Variants in EPHX2 observed in about 807,000 individuals in gnomAD.
EPHX2 encodes epoxide hydrolase 2.
Under a neutral mutation model 78.7 loss-of-function variants are expected in EPHX2, and 74 were observed. The observed-to-expected ratio is 0.94, with a 90% CI of 0.78 to 1.14. The LOEUF is 1.14. Ranked by LOEUF, EPHX2 falls within the 50% of genes most tolerant of loss-of-function variation. The probability of loss-of-function intolerance (pLI) is 0.00; values close to 1 mark genes in which losing one functional copy is unlikely to be tolerated. For synonymous variants in EPHX2, 251 were observed against 255.2 expected (o/e 0.98, Z 0.16); for missense variants, 715 against 702.5 (o/e 1.02, Z -0.20).
chr8:27,544,792 A>T lies in EPHX2; in HGVS notation c.*270A>T, dbSNP rs1277282105. 2 of 452,296 alleles carry T rather than the reference A, an allele frequency of 4.4e-6. No homozygotes were observed. Among genetic ancestry groups the T allele is most frequent in the African/African-American group, 3.9e-5 (2 of 50,866 alleles). 28.0% of individuals were successfully genotyped at this position (452,296 alleles called of 1,614,324 possible). A position where few individuals can be genotyped will look rare whatever the true frequency, so the allele number is the denominator to read the frequency against. The stretch of plus-strand genomic sequence containing the variant: ...AACCCTTAGTGTCCTGTAGGGGGAC[A>T]GAATGGGGTGGCCAGGTGGTGATTT... On this transcript the variant is annotated 3_prime_UTR_variant, in exon 19 of 19. Coordinates refer to ENST00000521400, the MANE Select transcript of EPHX2 (RefSeq NM_001979.6).
intron 1 of EPHX2, among the ~76,000 whole-genome samples, chr8:27,499,147 A>G (rs1196480310): frequency 6.6e-6 from 1 of 152,080 alleles, no homozygotes; most frequent in Admixed American, 6.5e-5. Flanking sequence ...ATAACCCATT[A>G]ACTCATTAAC....
intron 15 of EPHX2, among the ~76,000 whole-genome samples, chr8:27,541,108 G>A (rs918258278): frequency 1.3e-5 from 2 of 152,126 alleles, no homozygotes; most frequent in African/African-American, 2.4e-5. Flanking sequence ...GCAGGCGAGT[G>A]GCCTCTGGAT....
At chr8:27,525,259 T>C in intron 11 of EPHX2, 103 bp from the exon 12 acceptor site, 1 of 958,306 alleles carries the variant, frequency 1.0e-6, no homozygotes, top group Non-Finnish European at 1.7e-6. Context: ...GTGCATAGAA[T>C]GTTCCCACTC....
chr8:27,503,898 C>A, intron 3 of EPHX2, 135 bp downstream of exon 3: 2 of 1,144,088 alleles, frequency 1.7e-6, no homozygotes. Context: ...TAAACATGGC[C>A]CCAAAGCAAG....
intron 12 of EPHX2, among the ~76,000 whole-genome samples, chr8:27,528,875 A>G (rs1814937490): frequency 6.6e-6 from 1 of 152,210 alleles, no homozygotes; most frequent in East Asian, 1.9e-4. Flanking sequence ...GGCTCACTAC[A>G]ACCTCCAGCT....
chr8:27,520,612 T>C (rs965139059), intron 9 of EPHX2, among the ~76,000 whole-genome samples: 1 of 152,208 alleles, frequency 6.6e-6, no homozygotes, highest in Admixed American at 6.5e-5. Flanking sequence ...CCCAAAGTGC[T>C]GGGATTACAG....
At chr8:27,541,233 CA>C (rs1473613099) in intron 15 of EPHX2, among the ~76,000 whole-genome samples, 1 of 152,192 alleles carries the variant, frequency 6.6e-6, no homozygotes, top group Non-Finnish European at 1.5e-5. Context: ...TCCCAAAAGC[CA>C]ACCTAGAGGC....
At chr8:27,531,596 C>T (rs1020069041) in intron 12 of EPHX2, among the ~76,000 whole-genome samples, 2 of 152,168 alleles carry the variant, frequency 1.3e-5, no homozygotes, top group Non-Finnish European at 2.9e-5. Context: ...GTCACTGGCC[C>T]AGCCCGCTGA....
chr8:27,492,026 G>A (rs1813398633), intron 1 of EPHX2, among the ~76,000 whole-genome samples: 1 of 150,948 alleles, frequency 6.6e-6, no homozygotes, highest in Non-Finnish European at 1.5e-5. Flanking sequence ...AAGGAGAGAA[G>A]TATACTTATT....
chr8:27,509,936 T>C (rs759417020), intron 5 of EPHX2, among the ~76,000 whole-genome samples: 17 of 152,078 alleles, frequency 1.1e-4, no homozygotes, highest in Admixed American at 2.6e-4. Context: ...CCTAGGAAAC[T>C]GAGGACACAT....
intron 6 of EPHX2, among the ~76,000 whole-genome samples, chr8:27,512,272 C>A (rs192766275): frequency 7.0e-4 from 107 of 152,340 alleles, no homozygotes; most frequent in African/African-American, 2.5e-3. Flanking sequence ...TGTGGCCAAA[C>A]CCCCATAGAA....
chr8:27,492,940 A>G (rs948406066), intron 1 of EPHX2: 1 of 153,972 alleles, frequency 6.5e-6, no homozygotes, highest in Non-Finnish European at 1.4e-5. Context: ...CACTCTAGCT[A>G]CTTCCTGCTG....
At chr8:27,525,680 G>A (rs1814818468) in intron 12 of EPHX2, among the ~76,000 whole-genome samples, 1 of 152,050 alleles carries the variant, frequency 6.6e-6, no homozygotes, top group Non-Finnish European at 1.5e-5. Context: ...TGTTCGGGTG[G>A]TGAAGGGCCG....
chr8:27,501,394 T>TTCTTCTTCTTCTTCTTCTTCTTCTTC, intron 2 of EPHX2, among the ~76,000 whole-genome samples: 1 of 73,128 alleles, frequency 1.4e-5, no homozygotes, highest in Middle Eastern at 7.0e-3. Context: ...CTTCTTCTTC[T>TTCTTCTTCTTCTTCTTCTTCTTCTTC]TTCTTCTTTC....
At chr8:27,509,798 C>G (rs1402238077) in intron 5 of EPHX2, among the ~76,000 whole-genome samples, 2 of 152,232 alleles carry the variant, frequency 1.3e-5, no homozygotes, top group African/African-American at 4.8e-5. Flanking sequence ...GTCTGTTTCT[C>G]AGAGGAAGGC....
chr8:27,521,559 C>T (rs903203903), intron 10 of EPHX2, among the ~76,000 whole-genome samples: 2 of 152,186 alleles, frequency 1.3e-5, no homozygotes, highest in African/African-American at 4.8e-5. Flanking sequence ...AGGCTGACCT[C>T]TGGTTCACCA....
chr8:27,537,038 A>C (rs1036937848), intron 13 of EPHX2, among the ~76,000 whole-genome samples, 183 bp downstream of exon 13: 102 of 152,212 alleles, frequency 6.7e-4, no homozygotes, highest in African/African-American at 2.1e-3. Flanking sequence ...ACACAAGGTC[A>C]GAGAATGATT....
chr8:27,515,653 C>A, intron 6 of EPHX2, 65 bp from the exon 7 acceptor site: 1 of 1,373,640 alleles, frequency 7.3e-7, no homozygotes, highest in Non-Finnish European at 1.0e-6. Flanking sequence ...TCTGCAGACG[C>A]TGTGGGGCCT....
chr8:27,506,296 C>G (rs199986679), intron 4 of EPHX2, among the ~76,000 whole-genome samples: 3 of 152,232 alleles, frequency 2.0e-5, no homozygotes, highest in East Asian at 3.9e-4. Context: ...TTCTTTATTA[C>G]TACATATAAA....
Sources: gnomAD v4.1 joint callset for allele counts (sites outside exome capture counted in the v4.1 genomes callset) on GRCh38, gnomAD v4.1.1 for gene constraint, MANE v1.5 for transcripts, NCBI Gene and HGNC (gene_info 2026-07-23, HGNC 2026-07-21) for gene names.